Variants in TNFAIP8 observed in about 807,000 individuals in gnomAD.
The protein encoded by TNFAIP8 is tumor necrosis factor alpha-induced protein 8.
In TNFAIP8, 7 loss-of-function variants were observed where a neutral mutation model predicts 13.3. That is an observed-to-expected ratio of 0.52 (90% CI 0.30 to 0.99). The LOEUF is 0.99. Among genes scored for constraint, TNFAIP8 ranks in the 50% least tolerant of loss-of-function variants. TNFAIP8 has a pLI of 0.07. For synonymous variants in TNFAIP8, 94 were observed against 87.6 expected, an observed-to-expected ratio of 1.07 and a Z score of -0.41; for missense variants, 258 against 236.9, an observed-to-expected ratio of 1.09 and a Z score of -0.58.
chr5:119,386,378 CTG>C (rs1752673030), intron 1 of TNFAIP8, among the ~76,000 whole-genome samples: 1 of 152,106 alleles, frequency 6.6e-6, no homozygotes, highest in Admixed American at 6.6e-5. Context: ...TTATTTGTGT[CTG>C]TATGTAGAAG....
chr5:119,394,466 A>G lies in TNFAIP8; in HGVS notation c.*1085A>G, dbSNP rs961818929. The G allele has an allele frequency of 6.6e-6, 1 of 152,180 alleles. No individual in the cohort carries two copies. The highest frequency in any genetic ancestry group is 1.5e-5 in the Non-Finnish European group (1 of 68,038). 9.4% of individuals were successfully genotyped at this position (152,180 alleles called of 1,614,324 possible). ...TTCAAGCAGTTTGTGTGGTGTTTCT[A>G]TATAATTTTCTGTGTATAAATAATA... On this transcript the variant is annotated 3_prime_UTR_variant, in exon 2 of 2. Coordinates refer to ENST00000504771, the MANE Select transcript of TNFAIP8 (RefSeq NM_014350.4).
At chr5:119,311,770 A>G (rs938573336) in intron 1 of TNFAIP8, among the ~76,000 whole-genome samples, 3 of 151,946 alleles carry the variant, frequency 2.0e-5, no homozygotes, top group African/African-American at 7.3e-5. Context: ...GAGCAGAGTA[A>G]AATTATTAGG....
chr5:119,320,611 T>C (rs1750026115), intron 1 of TNFAIP8, among the ~76,000 whole-genome samples: 1 of 152,182 alleles, frequency 6.6e-6, no homozygotes, highest in Non-Finnish European at 1.5e-5. Context: ...TGGCCTGTTC[T>C]AGTCCTCATC....
chr5:119,376,227 AC>A (rs1752275745), intron 1 of TNFAIP8, among the ~76,000 whole-genome samples: 1 of 151,450 alleles, frequency 6.6e-6, no homozygotes, highest in Non-Finnish European at 1.5e-5. Flanking sequence ...AGATTCTCCC[AC>A]CTTAGCCTCC....
chr5:119,385,961 G>T (rs540649532), intron 1 of TNFAIP8, among the ~76,000 whole-genome samples: 1 of 152,340 alleles, frequency 6.6e-6, no homozygotes, highest in South Asian at 2.1e-4. Flanking sequence ...TTATCTTACA[G>T]ATGAGGAAGC....
At position 119,392,997 on chromosome 5, in the gene TNFAIP8, C is replaced by T; in HGVS notation, c.213C>T (p.Ile71=). 6.2e-7 allele frequency: 1 copy of T among 1,612,942 alleles called. No individual in the cohort carries two copies. Among genetic ancestry groups the T allele is most frequent in the Non-Finnish European group, 8.5e-7 (1 of 1,179,460 alleles). Residue 71 remains isoleucine, a synonymous_variant, in exon 2 of 2, where the codon ATC becomes ATT. Coordinates refer to ENST00000504771, the MANE Select transcript of TNFAIP8 (RefSeq NM_014350.4). The part of the protein sequence containing the change: ...YTQNKKEAEK[I]IKNLIKTVIK... ...AAAACAAGAAGGAGGCAGAGAAGAT[C>T]ATCAAGAACCTCATCAAGACAGTCA...
chr5:119,320,060 T>C (rs1160126790), intron 1 of TNFAIP8, among the ~76,000 whole-genome samples: 1 of 152,132 alleles, frequency 6.6e-6, no homozygotes, highest in Non-Finnish European at 1.5e-5. Context: ...AAATTGCCTT[T>C]CAGTGGAGGT....
intron 1 of TNFAIP8, chr5:119,391,552 G>C (rs1166268906): frequency 4.7e-5 from 29 of 610,594 alleles, no homozygotes; most frequent in Non-Finnish European, 8.2e-5. Flanking sequence ...CTGAGGCCAG[G>C]AGTTCGAGAC....
chr5:119,380,152 C>A lies in TNFAIP8; in HGVS notation c.32-12664C>A, dbSNP rs73790846. Among the ~76,000 whole-genome samples, 377 of 152,264 alleles carry A rather than the reference C, an allele frequency of 2.5e-3. 2 individuals carry two copies. The highest frequency in any genetic ancestry group is 8.8e-3 in the African/African-American group (366 of 41,528). ...GAGCCTCACTTCTCTTATCTGGGTC[C>A]CCCAGGGTTAAGTAATAACAGGACC... On this transcript the variant is annotated intron_variant, in intron 1 of 1. Coordinates refer to ENST00000504771, the MANE Select transcript of TNFAIP8 (RefSeq NM_014350.4).
rs141829132 is a variant in TNFAIP8 at position 119,272,609 on chromosome 5, G to A, written c.1+3702G>A. ...AACAAACCTGATTCCATAGGATTTT[G>A]TTTTACATCAGACATAAGTTACCTG... On this transcript the variant is annotated intron_variant, in intron 1 of 1. Transcript: ENST00000274456. Among the ~76,000 whole-genome samples, 101 of 152,324 alleles carry A rather than the reference G, an allele frequency of 6.6e-4. 1 individual carries two copies. The East Asian group carries it at 0.018, about 27-fold the overall frequency.
intron 1 of TNFAIP8, among the ~76,000 whole-genome samples, chr5:119,373,635 T>G (rs1056771319): frequency 6.6e-6 from 1 of 152,206 alleles, no homozygotes; most frequent in African/African-American, 2.4e-5. Flanking sequence ...GGCAGAACTG[T>G]TGAGACGGAA....
intron 1 of TNFAIP8, among the ~76,000 whole-genome samples, chr5:119,389,750 A>C (rs1235336751): frequency 6.6e-6 from 1 of 152,156 alleles, no homozygotes; most frequent in Non-Finnish European, 1.5e-5. Flanking sequence ...TAAAAAGACG[A>C]CTTCACTGGA....
chr5:119,388,990 G>A, intron 1 of TNFAIP8, among the ~76,000 whole-genome samples: 1 of 152,088 alleles, frequency 6.6e-6, no homozygotes, highest in East Asian at 1.9e-4. Flanking sequence ...TATGTGAAAA[G>A]AGATAGAAAG....
At chr5:119,383,062 G>T (rs1043885014) in intron 1 of TNFAIP8, among the ~76,000 whole-genome samples, 16 of 152,174 alleles carry the variant, frequency 1.1e-4, no homozygotes, top group Non-Finnish European at 2.4e-4. Flanking sequence ...GGGGACCTTT[G>T]TGTACACTGT....
At chr5:119,372,259 G>A (rs1752107596) in intron 1 of TNFAIP8, among the ~76,000 whole-genome samples, 1 of 150,184 alleles carries the variant, frequency 6.7e-6, no homozygotes, top group African/African-American at 2.4e-5. Flanking sequence ...GGAAGGTGGA[G>A]GTTGTGGTGA....
rs1218391957 is a variant in TNFAIP8, at chr5:119,340,930, T to A, written c.2-51886T>A. ...AATTGGATGTTGGCTGCCAGGCTTGTGTTCTGGGACATCCAGATGTCGGGG... is the reference window on the plus strand; with the variant it reads ...AATTGGATGTTGGCTGCCAGGCTTGAGTTCTGGGACATCCAGATGTCGGGG... On this transcript the variant is annotated intron_variant, in intron 1 of 1. Coordinates refer to the TNFAIP8 transcript ENST00000274456. Among the ~76,000 whole-genome samples the A allele has an allele frequency of 2.0e-5, 3 of 152,208 alleles. No individual in the cohort carries two copies. In the East Asian group the frequency reaches 5.8e-4, roughly 29 times the overall value.
chr5:119,339,869 T>C (rs577348238), intron 1 of TNFAIP8, among the ~76,000 whole-genome samples: 4 of 152,252 alleles, frequency 2.6e-5, no homozygotes, highest in Non-Finnish European at 5.9e-5. Flanking sequence ...TTAATCACCA[T>C]ATTTGATTAA....
intron 1 of TNFAIP8, among the ~76,000 whole-genome samples, chr5:119,276,634 A>G (rs1748458804): frequency 6.6e-6 from 1 of 152,124 alleles, no homozygotes; most frequent in Non-Finnish European, 1.5e-5. Context: ...AGATGGCCAC[A>G]TTTCTGCTGT....
chr5:119,342,976 C>A (rs1375302304), intron 1 of TNFAIP8, among the ~76,000 whole-genome samples: 1 of 152,216 alleles, frequency 6.6e-6, no homozygotes, highest in East Asian at 1.9e-4. Flanking sequence ...TAGTTCTTAA[C>A]TTAAAGGAAA....
Sources: allele counts gnomAD v4.1 joint callset (sites outside exome capture counted in the v4.1 genomes callset), GRCh38; gene constraint gnomAD v4.1.1; transcripts MANE v1.5; gene names NCBI Gene and HGNC (gene_info 2026-07-23, HGNC 2026-07-21).